RASA3: variants seen among roughly 807,000 people sequenced by gnomAD.
The protein encoded by RASA3 is ras GTPase-activating protein 3.
In RASA3, 73 loss-of-function variants were observed where a neutral mutation model predicts 110.0. That is an observed-to-expected ratio of 0.66 (90% CI 0.55 to 0.81). The LOEUF (loss-of-function observed/expected upper bound fraction) is 0.81. RASA3 is among the 30% of genes least tolerant of loss of function. RASA3 has a pLI of 0.00. For synonymous variants in RASA3, 500 were observed against 451.4 expected, an observed-to-expected ratio of 1.11 and a Z score of -1.37; for missense variants, 976 against 1,113.2, an observed-to-expected ratio of 0.88 and a Z score of 1.75.
At chr13:114,019,177 G>A (rs1307527145) in intron 9 of RASA3, among the ~76,000 whole-genome samples, 1 of 152,204 alleles carries the variant, frequency 6.6e-6, no homozygotes, top group Non-Finnish European at 1.5e-5. Context: ...GGGGTGGAAC[G>A]TGGCAGGAAC....
intron 14 of RASA3, among the ~76,000 whole-genome samples, chr13:114,013,617 T>C (rs1399975142): frequency 2.2e-4 from 15 of 67,928 alleles, no homozygotes; most frequent in East Asian, 1.1e-3. Flanking sequence ...TCTCCCCCCC[T>C]CCATCTGTCT....
chr13:114,039,838 C>A (rs556328834), intron 4 of RASA3, among the ~76,000 whole-genome samples: 7 of 152,350 alleles, frequency 4.6e-5, no homozygotes, highest in South Asian at 4.1e-4. Flanking sequence ...CAAGCTCCCC[C>A]CACTGGACAG....
chr13:114,107,661 A>C (rs1005658543), intron 1 of RASA3: 2 of 152,210 alleles, frequency 1.3e-5, no homozygotes, highest in Admixed American at 1.3e-4. Flanking sequence ...CCCATTCCCC[A>C]GTTTAAAGGA....
At chr13:114,099,598 C>T (rs1427640992) in intron 1 of RASA3, among the ~76,000 whole-genome samples, 40 of 148,464 alleles carry the variant, frequency 2.7e-4, no homozygotes, top group South Asian at 6.5e-4. Context: ...GCAGGGTCAG[C>T]GCCTGAGATG....
chr13:113,998,593 C>G (rs1397372012), intron 20 of RASA3, among the ~76,000 whole-genome samples: 1 of 152,190 alleles, frequency 6.6e-6, no homozygotes, highest in African/African-American at 2.4e-5. Flanking sequence ...GGCACTGAGT[C>G]ACCAGGGAGA....
At chr13:114,058,923 T>C (rs1319573954) in intron 2 of RASA3, among the ~76,000 whole-genome samples, 1 of 152,176 alleles carries the variant, frequency 6.6e-6, no homozygotes, top group African/African-American at 2.4e-5. Flanking sequence ...CCAGGCCAGA[T>C]GCAGTGGCTC....
chr13:114,004,097 A>C (rs914835175), intron 18 of RASA3, among the ~76,000 whole-genome samples: 10 of 152,268 alleles, frequency 6.6e-5, no homozygotes, highest in Admixed American at 2.0e-4. Flanking sequence ...AGTTAAATGA[A>C]GGTGATTTTA....
At chr13:114,070,413 G>C (rs1239649714) in intron 2 of RASA3, among the ~76,000 whole-genome samples, 2 of 152,122 alleles carry the variant, frequency 1.3e-5, no homozygotes, top group Non-Finnish European at 2.9e-5. Flanking sequence ...TGCACCGATG[G>C]AGGGCTTCCG....
Position 114,106,054 on chromosome 13 carries a change from G to A in RASA3, c.55+26381C>T, listed in dbSNP as rs532514536. Among the ~76,000 whole-genome samples, 5 of 152,334 alleles carry A rather than the reference G, an allele frequency of 3.3e-5. No homozygotes were observed. The East Asian group carries it at 5.8e-4, about 18-fold the overall frequency. The stretch of plus-strand genomic sequence containing the variant: ...ACTGAGTGGGAGGAAGAGGATGACC[G>A]GGTGTTGGGATGGGTGCACATCGCA... On this transcript the variant is annotated intron_variant, in intron 1 of 23. Transcript: ENST00000334062.
intron 1 of RASA3, among the ~76,000 whole-genome samples, chr13:114,126,940 C>T (rs999386920): frequency 7.2e-5 from 11 of 151,970 alleles, no homozygotes; most frequent in South Asian, 2.1e-4. Flanking sequence ...ACGTCTCCCC[C>T]GAGGGCCCCC....
Position 114,048,805 on chromosome 13 carries a change from G to A in RASA3, c.277+3247C>T, listed in dbSNP as rs1291277717. On this transcript the variant is annotated intron_variant, in intron 3 of 23. Coordinates refer to ENST00000334062, the MANE Select transcript of RASA3 (RefSeq NM_007368.4). This position sits in a 1 kb window ranked among gnomAD's most constrained non-coding sequence, Gnocchi z 4.3. The stretch of plus-strand genomic sequence containing the variant: ...GCTACGGTCACGCCGCCCGGGACCC[G>A]CCGACACTGGACACTTCTCCTGCTC... Among the ~76,000 whole-genome samples the A allele has an allele frequency of 6.6e-6, 1 of 152,136 alleles. No individual in the cohort carries two copies. The highest frequency in any genetic ancestry group is 1.5e-5 in the Non-Finnish European group (1 of 68,006).
At chr13:114,077,860 T>C in intron 1 of RASA3, 1 of 984,598 alleles carries the variant, frequency 1.0e-6, no homozygotes, top group Non-Finnish European at 1.2e-6. Flanking sequence ...TAATCTACTT[T>C]TGCTATGATG....
At chr13:114,089,399 T>C (rs554967370) in intron 1 of RASA3, among the ~76,000 whole-genome samples, 5 of 151,698 alleles carry the variant, frequency 3.3e-5, no homozygotes, top group Admixed American at 3.3e-4. Context: ...CAACCTGATC[T>C]TCCCTGGCAT....
chr13:114,066,683 C>T (rs2079457113), intron 2 of RASA3, among the ~76,000 whole-genome samples: 1 of 152,234 alleles, frequency 6.6e-6, no homozygotes, highest in African/African-American at 2.4e-5. Flanking sequence ...TCCTGTGCGG[C>T]TGAGAGAACC....
intron 3 of RASA3, among the ~76,000 whole-genome samples, chr13:114,043,336 C>T (rs1380426195): frequency 2.0e-5 from 3 of 152,178 alleles, no homozygotes; most frequent in African/African-American, 7.2e-5. Context: ...CTGCTGACAC[C>T]TGCCATGCAC....
rs1325866484 is a variant in RASA3 at position 114,018,837 on chromosome 13, T to C, written c.868A>G (p.Thr290Ala). The C allele has an allele frequency of 1.1e-5, 18 of 1,613,714 alleles. No homozygotes were observed. Among genetic ancestry groups the C allele is most frequent in the South Asian group, 2.2e-5 (2 of 91,084 alleles). ...TCAGAAGAAAACACGTGGTCTTCCG[T>C]GTATACCACGTTCAGCCGCAGGGAG... is the stretch of plus-strand genomic sequence containing the variant. Reference protein sequence around the residue: ...LGSLRLNVVYTEDHVFSSDYY... With the variant: ...LGSLRLNVVYAEDHVFSSDYY... Residue 290 changes from threonine (T) to alanine (A), a missense_variant, in exon 10 of 24, where the codon ACG (threonine) becomes GCG (alanine). Thr to Ala is a moderately conservative substitution (Grantham distance 58, BLOSUM62 0). Coordinates refer to ENST00000334062, the MANE Select transcript of RASA3 (RefSeq NM_007368.4).
chr13:114,063,108 C>CTG (rs2079390348), intron 2 of RASA3, among the ~76,000 whole-genome samples: 1 of 152,134 alleles, frequency 6.6e-6, no homozygotes, highest in African/African-American at 2.4e-5. Flanking sequence ...TGCAAATATA[C>CTG]TAAAAACCAC....
chr13:114,023,296 T>C (rs12871799), intron 8 of RASA3, among the ~76,000 whole-genome samples: 4 of 148,766 alleles, frequency 2.7e-5, no homozygotes, highest in African/African-American at 7.5e-5. Context: ...ATCCCAGGCT[T>C]GGGGGCATCC....
Position 114,020,527 on chromosome 13 carries a change from T to C in RASA3, c.785+877A>G, listed in dbSNP as rs1324043711. On this transcript the variant is annotated intron_variant, in intron 9 of 23. Transcript: ENST00000334062. ...TGGGATGGAAACCTGCCCTCACACA[T>C]GGCAGAGGGACACATGGGGTGCGAG... is the stretch of plus-strand genomic sequence containing the variant. Among the ~76,000 whole-genome samples the C allele has an allele frequency of 7.2e-5, 11 of 152,266 alleles. No individual in the cohort carries two copies. In the East Asian group the frequency reaches 2.1e-3, roughly 29 times the overall value.
Sources: allele counts gnomAD v4.1 joint callset (sites outside exome capture counted in the v4.1 genomes callset), GRCh38; gene constraint gnomAD v4.1.1; non-coding constraint Gnocchi (gnomAD v3.1); transcripts MANE v1.5; gene names NCBI Gene and HGNC (gene_info 2026-07-23, HGNC 2026-07-21).